Variants in USP34 observed in about 807,000 individuals in gnomAD.
The protein encoded by USP34 is ubiquitin carboxyl-terminal hydrolase 34.
In USP34, 70 loss-of-function variants were observed where a neutral mutation model predicts 460.3. That is an observed-to-expected ratio of 0.15 (90% CI 0.13 to 0.19). USP34 has a LOEUF of 0.19. Ranked by LOEUF, USP34 falls within the 10% of genes least tolerant of loss-of-function variation. USP34 has a pLI of 1.00. For missense variants in USP34, 3,985 were observed against 4,236.2 expected (o/e 0.94, Z 1.65); for synonymous variants, 1,647 against 1,405.3 (o/e 1.17, Z -3.85).
intron 69 of USP34, among the ~76,000 whole-genome samples, chr2:61,209,958 A>T (rs1050625631): frequency 4.6e-5 from 7 of 152,176 alleles, no homozygotes; most frequent in African/African-American, 9.7e-5. Flanking sequence ...AAAAAATTTA[A>T]ATATGAAAAG....
At chr2:61,367,925 T>C (rs1246560837) in intron 10 of USP34, among the ~76,000 whole-genome samples, 1 of 152,038 alleles carries the variant, frequency 6.6e-6, no homozygotes, top group East Asian at 1.9e-4. Context: ...AGAAAAGTTA[T>C]AACAATAATG....
At position 61,333,964 on chromosome 2, in the gene USP34, C is replaced by G; in HGVS notation, c.2752G>C (p.Val918Leu). 1.3e-6 allele frequency: 2 copies of G among 1,579,832 alleles called. No homozygotes were observed. The highest frequency in any genetic ancestry group is 1.7e-6 in the Non-Finnish European group (2 of 1,165,606). ...TTTGGAAGAAGACGAAGTGAAATTACTACTGATCTGAAACAGCAGAAACAT... is the reference window on the plus strand; with the variant it reads ...TTTGGAAGAAGACGAAGTGAAATTAGTACTGATCTGAAACAGCAGAAACAT... The part of the protein sequence containing the change: ...LENLGNNRSV[V>L]ISLRLLPKLF... Residue 918 changes from valine to leucine, a missense_variant, in exon 19 of 80, where the codon GTA (valine) becomes CTA (leucine). This residue lies in a region of USP34 where 46 missense variants were observed against 83.1 expected (regional missense o/e 0.55). Coordinates refer to ENST00000398571, the MANE Select transcript of USP34 (RefSeq NM_014709.4).
At chr2:61,193,921 T>C in intron 75 of USP34, 1 of 181,332 alleles carries the variant, frequency 5.5e-6, no homozygotes, top group South Asian at 1.9e-4. Flanking sequence ...AGTAAGGAAA[T>C]GGGTGTGGCT....
At chr2:61,190,826 C>G (rs1043876032) in intron 76 of USP34, 168 bp from the exon 77 acceptor site, 2 of 733,186 alleles carry the variant, frequency 2.7e-6, no homozygotes, top group Admixed American at 3.3e-5. Flanking sequence ...TTTTAGTTAA[C>G]AGCAACTATT....
intron 41 of USP34, among the ~76,000 whole-genome samples, chr2:61,270,954 G>A (rs1689194988): frequency 6.6e-6 from 1 of 151,942 alleles, no homozygotes; most frequent in African/African-American, 2.4e-5. Flanking sequence ...TGAGTTAAAT[G>A]TTTCCCTTAC....
chr2:61,357,612 G>A (rs914734020), intron 10 of USP34, among the ~76,000 whole-genome samples: 3 of 152,192 alleles, frequency 2.0e-5, no homozygotes, highest in African/African-American at 7.2e-5. Flanking sequence ...AAATAGTACA[G>A]AAAGCTGGTC....
At chr2:61,283,604 A>AAT (rs1558508894) in intron 35 of USP34, among the ~76,000 whole-genome samples, 155 bp from the exon 36 acceptor site, 3 of 151,042 alleles carry the variant, frequency 2.0e-5, no homozygotes, top group African/African-American at 7.4e-5. Context: ...AGTGAGAGAG[A>AAT]GTGTGAGTGT....
At chr2:61,337,483 C>T (rs574391836) in intron 18 of USP34, among the ~76,000 whole-genome samples, 1 of 151,892 alleles carries the variant, frequency 6.6e-6, no homozygotes, top group Non-Finnish European at 1.5e-5. Context: ...GACAAGGTCT[C>T]ACTCTGTTGC....
intron 51 of USP34, 132 bp downstream of exon 51, chr2:61,245,078 T>C: frequency 3.2e-6 from 2 of 621,566 alleles, no homozygotes; most frequent in Non-Finnish European, 5.5e-6. Flanking sequence ...TTCCAATAAA[T>C]ATAAACTGAA....
At chr2:61,290,826 C>T (rs1689828317) in intron 33 of USP34, among the ~76,000 whole-genome samples, 1 of 151,960 alleles carries the variant, frequency 6.6e-6, no homozygotes, top group South Asian at 2.1e-4. Flanking sequence ...GGACCAAAGA[C>T]CTAAAAAAGT....
chr2:61,430,467 C>T (rs897886392), intron 1 of USP34, among the ~76,000 whole-genome samples: 20 of 152,012 alleles, frequency 1.3e-4, no homozygotes, highest in African/African-American at 2.9e-4. Flanking sequence ...TCAGCAGTTA[C>T]GACAATGCAG....
intron 61 of USP34, among the ~76,000 whole-genome samples, chr2:61,227,735 AC>A (rs1370823263): frequency 1.4e-3 from 153 of 109,710 alleles, no homozygotes; most frequent in African/African-American, 5.6e-3. Flanking sequence ...AAACAAACAA[AC>A]AAAAAAAAAA....
chr2:61,340,261 TA>T (rs1440835474), intron 16 of USP34, among the ~76,000 whole-genome samples: 1 of 152,216 alleles, frequency 6.6e-6, no homozygotes, highest in East Asian at 1.9e-4. Context: ...ACATTCAAAT[TA>T]AAAGACTCTT....
intron 75 of USP34, among the ~76,000 whole-genome samples, chr2:61,197,650 T>G (rs1173576154): frequency 6.6e-6 from 1 of 152,220 alleles, no homozygotes; most frequent in Non-Finnish European, 1.5e-5. Flanking sequence ...CAGACTGTAG[T>G]GCAGTGGCCC....
rs533134777 is a variant in USP34 at position 61,337,706 on chromosome 2, T to C, written c.2744+1645A>G. 2.8e-3 allele frequency among the ~76,000 whole-genome samples: 424 copies of C among 152,298 alleles called. 1 individual carries two copies. Among genetic ancestry groups the C allele is most frequent in the African/African-American group, 9.5e-3 (395 of 41,562 alleles). ...CCTGGACTCATGCAATCCACCTACC[T>C]TGGCCTCCCAAAGTGCTGGGATTAC... is the stretch of plus-strand genomic sequence containing the variant. On this transcript the variant is annotated intron_variant, in intron 18 of 79. Coordinates refer to ENST00000398571, the MANE Select transcript of USP34 (RefSeq NM_014709.4).
chr2:61,409,938 T>C (rs756074002), intron 2 of USP34, among the ~76,000 whole-genome samples: 2 of 152,160 alleles, frequency 1.3e-5, no homozygotes, highest in Non-Finnish European at 1.5e-5. Flanking sequence ...TTTTAAATAA[T>C]TGTATATTAC....
chr2:61,405,789 G>C lies in USP34; in HGVS notation c.471C>G (p.Leu157=), dbSNP rs774309711. ...GAAAAATTTTTGCCACACATAGTAA[G>C]AGTTTTTCCTTCTCATCTGTACTCC... ...SLWSTDEKEK[L]LLCVAKIFQI... is the part of the protein sequence containing the mutation. Residue 157 remains leucine (L), a synonymous_variant, in exon 3 of 80, where the codon CTC becomes CTG. Coordinates refer to ENST00000398571, the MANE Select transcript of USP34 (RefSeq NM_014709.4). 6.2e-7 allele frequency: 1 copy of C among 1,609,406 alleles called. No individual in the cohort carries two copies. The highest frequency in any genetic ancestry group is 8.5e-7 in the Non-Finnish European group (1 of 1,178,842).
At chr2:61,248,786 A>C in intron 48 of USP34, 103 bp from the exon 49 acceptor site, 1 of 1,146,736 alleles carries the variant, frequency 8.7e-7, no homozygotes, top group Non-Finnish European at 1.2e-6. Context: ...ACTCAGAGTT[A>C]AGAAGTATAG....
chr2:61,325,139 C>G lies in USP34; in HGVS notation c.3013+236G>C, dbSNP rs977120890. ...GGATAAGGGATGAAAAATAAACTAT[C>G]GGGTACAATGTTCACTATTTGAGTA... On this transcript the variant is annotated intron_variant, in intron 21 of 79. Coordinates refer to ENST00000398571, the MANE Select transcript of USP34 (RefSeq NM_014709.4). 7.2e-5 allele frequency among the ~76,000 whole-genome samples: 11 copies of G among 151,974 alleles called. 1 individual carries two copies. Among genetic ancestry groups the G allele is most frequent in the Admixed American group, 6.6e-4 (10 of 15,254 alleles).
Sources: gnomAD v4.1 joint callset for allele counts (sites outside exome capture counted in the v4.1 genomes callset) on GRCh38, gnomAD v4.1.1 for gene constraint, gnomAD v4.1.1 regional missense constraint, MANE v1.5 for transcripts, NCBI Gene and HGNC (gene_info 2026-07-23, HGNC 2026-07-21) for gene names.